Variants in DNAH14 observed in about 807,000 individuals in gnomAD.
DNAH14 encodes the protein dynein axonemal heavy chain 14.
Under a neutral mutation model 520.9 loss-of-function variants are expected in DNAH14, and 478 were observed. The ratio of observed to expected loss-of-function variants is 0.92; its 90% CI spans 0.85 to 0.99. The LOEUF is 0.99. DNAH14 is among the 50% of genes least tolerant of loss of function. DNAH14 has a pLI of 0.00. For synonymous variants in DNAH14, 1,581 were observed against 1,757.2 expected (o/e 0.90, Z 2.51); for missense variants, 4,831 against 5,234.5 (o/e 0.92, Z 2.38).
chr1:225,105,521 A>C (rs1310828568), intron 23 of DNAH14, among the ~76,000 whole-genome samples: 3 of 152,186 alleles, frequency 2.0e-5, no homozygotes, highest in Non-Finnish European at 2.9e-5. Flanking sequence ...GTGGGAGTCT[A>C]AGTCTCTTTC....
intron 81 of DNAH14, among the ~76,000 whole-genome samples, chr1:225,384,863 C>T (rs1384264974): frequency 1.3e-5 from 2 of 152,204 alleles, no homozygotes; most frequent in Admixed American, 1.3e-4. Context: ...AGGGAATCCT[C>T]CCTAATTCAT....
In DNAH14 at chr1:225,380,424, T is replaced by C. The variant is rs990009214; in HGVS notation, c.12880+102T>C. ...AGATAAGACAAAAATTCTGTAGAAG[T>C]GAAAATACTGAGATAAGATGGAAAA... On this transcript the variant is annotated intron_variant, in intron 80 of 85. Transcript: ENST00000682510. 1.0e-5 allele frequency: 13 copies of C among 1,264,746 alleles called. No individual in the cohort carries two copies. The Admixed American group carries it at 4.0e-4, about 39-fold the overall frequency. The allele number at this position is 1,264,746 out of a possible 1,614,324, so 78.3% of individuals were successfully genotyped here.
At chr1:224,955,236 T>A in intron 3 of DNAH14, 138 bp downstream of exon 3, 1 of 912,876 alleles carries the variant, frequency 1.1e-6, no homozygotes, top group Non-Finnish European at 1.7e-6. Flanking sequence ...CTAACTTCAT[T>A]AGTTATAGCA....
intron 8 of DNAH14, among the ~76,000 whole-genome samples, chr1:224,995,246 G>T (rs1274077823): frequency 6.6e-6 from 1 of 152,024 alleles, no homozygotes; most frequent in African/African-American, 2.4e-5. Flanking sequence ...AACTTGCTTA[G>T]CATTTATTTG....
chr1:225,278,059 A>C (rs2093533845), intron 54 of DNAH14, among the ~76,000 whole-genome samples: 1 of 150,622 alleles, frequency 6.6e-6, no homozygotes, highest in South Asian at 2.1e-4. Context: ...TTTTCTCAAA[A>C]AGAATTTTTT....
chr1:225,167,927 A>G lies in DNAH14; in HGVS notation c.5446-12A>G. The G allele has an allele frequency of 7.0e-7, 1 of 1,425,320 alleles. No individual in the cohort carries two copies. Among genetic ancestry groups the G allele is most frequent in the East Asian group, 2.6e-5 (1 of 38,368 alleles). 88.3% of individuals were successfully genotyped at this position (1,425,320 alleles called of 1,614,324 possible). A position where few individuals can be genotyped will look rare whatever the true frequency, so the allele number is the denominator to read the frequency against. On this transcript the variant is annotated splice_polypyrimidine_tract_variant and intron_variant, in intron 35 of 85. Coordinates refer to ENST00000682510, the MANE Select transcript of DNAH14 (RefSeq NM_001367479.1). ...CAATGCATTTTAAATTTATGTATTTATTTCCTTTTAGAAAGTAATATATAC... is the reference window on the plus strand; with the variant it reads ...CAATGCATTTTAAATTTATGTATTTGTTTCCTTTTAGAAAGTAATATATAC...
At chr1:224,976,824 A>G (rs1433828891) in intron 8 of DNAH14, among the ~76,000 whole-genome samples, 1 of 152,024 alleles carries the variant, frequency 6.6e-6, no homozygotes, top group African/African-American at 2.4e-5. Flanking sequence ...CAATCATTAA[A>G]AAGTCAGGAA....
chr1:225,291,178 C>CA (rs1224278176), intron 55 of DNAH14, among the ~76,000 whole-genome samples: 1 of 152,010 alleles, frequency 6.6e-6, no homozygotes, highest in Non-Finnish European at 1.5e-5. Flanking sequence ...ATCATGTTGC[C>CA]ACAGTGACAG....
intron 36 of DNAH14, among the ~76,000 whole-genome samples, chr1:225,181,125 A>G (rs566322351): frequency 2.0e-5 from 3 of 152,160 alleles, no homozygotes; most frequent in Non-Finnish European, 4.4e-5. Flanking sequence ...AATAGCCTCC[A>G]TCTGCATCCA....
intron 21 of DNAH14, among the ~76,000 whole-genome samples, chr1:225,087,117 AC>A (rs2073907596): frequency 2.0e-5 from 3 of 152,052 alleles, no homozygotes; most frequent in Admixed American, 2.0e-4. Context: ...CCTTAACAAT[AC>A]CACACACTGG....
chr1:224,933,571 A>C (rs374585022), intron 1 of DNAH14, among the ~76,000 whole-genome samples: 75 of 152,138 alleles, frequency 4.9e-4, no homozygotes, highest in African/African-American at 1.7e-3. Flanking sequence ...GGTCTATCCT[A>C]TGTGGCCTTT....
intron 26 of DNAH14, 57 bp downstream of exon 26, chr1:225,119,351 T>C (rs2077117813): frequency 8.3e-7 from 1 of 1,205,912 alleles, no homozygotes; most frequent in South Asian, 1.9e-5. Context: ...CTTGCACATA[T>C]ATATATACAC....
intron 27 of DNAH14, among the ~76,000 whole-genome samples, chr1:225,125,409 C>T (rs1292748046): frequency 6.6e-6 from 1 of 152,184 alleles, no homozygotes; most frequent in African/African-American, 2.4e-5. Context: ...ATTATGTTAA[C>T]CTAGTTCTTC....
At chr1:224,942,764 T>C (rs2059512937) in intron 1 of DNAH14, among the ~76,000 whole-genome samples, 1 of 152,214 alleles carries the variant, frequency 6.6e-6, no homozygotes, top group Non-Finnish European at 1.5e-5. Context: ...GAGATAATCA[T>C]GTGGTTTTTG....
In DNAH14 at chr1:225,117,917, T is replaced by C. The variant is rs1421321279; in HGVS notation, c.4009T>C (p.Leu1337=). 1 of 1,550,924 alleles carries C rather than the reference T, an allele frequency of 6.4e-7. No homozygotes were observed. The highest frequency in any genetic ancestry group is 8.7e-7 in the Non-Finnish European group (1 of 1,146,674). Residue 1337 remains leucine (L), a synonymous_variant, in exon 25 of 86, where the codon TTA becomes CTA. Transcript: ENST00000682510. Reference sequence around the variant, plus strand: ...GAAATGCTTTGAAAATATAAAACAATTATTGATATGGAAACAAGACATTGG... The same window carrying C: ...GAAATGCTTTGAAAATATAAAACAACTATTGATATGGAAACAAGACATTGG... ...LVKCFENIKQ[L]LIWKQDIGPP...
chr1:225,251,521 T>C (rs2092550788), intron 43 of DNAH14, among the ~76,000 whole-genome samples: 1 of 152,114 alleles, frequency 6.6e-6, no homozygotes, highest in Non-Finnish European at 1.5e-5. Flanking sequence ...CTTTGTGTCC[T>C]TCAGTTAGAC....
intron 44 of DNAH14, among the ~76,000 whole-genome samples, chr1:225,256,173 A>T (rs780245559): frequency 2.6e-5 from 4 of 152,368 alleles, no homozygotes; most frequent in Admixed American, 2.0e-4. Flanking sequence ...AAGAGAATTT[A>T]GTTTTAGTCT....
chr1:225,355,684 A>G (rs1442480062), intron 73 of DNAH14, among the ~76,000 whole-genome samples: 2 of 152,196 alleles, frequency 1.3e-5, no homozygotes, highest in Non-Finnish European at 2.9e-5. Flanking sequence ...ATATGTATAC[A>G]TATCTTGAAG....
chr1:224,991,084 C>CT (rs1197927461), intron 8 of DNAH14, among the ~76,000 whole-genome samples: 1,600 of 77,856 alleles, frequency 0.021, 578 homozygotes, highest in Non-Finnish European at 0.033. Context: ...TGATGTTGAG[C>CT]TTTTTTTTTT....
Sources: allele counts gnomAD v4.1 joint callset (sites outside exome capture counted in the v4.1 genomes callset), GRCh38; gene constraint gnomAD v4.1.1; transcripts MANE v1.5; gene names NCBI Gene and HGNC (gene_info 2026-07-23, HGNC 2026-07-21).